Variants in TANC1 observed in about 807,000 individuals in gnomAD.
TANC1 encodes protein TANC1.
A neutral mutation model predicts 149.7 loss-of-function variants in TANC1; 77 were observed. The observed-to-expected ratio is 0.51, with a 90% confidence interval of 0.43 to 0.62. The LOEUF is 0.62. Ranked by LOEUF, TANC1 falls within the 20% of genes least tolerant of loss-of-function variation. The pLI, the probability that TANC1 is intolerant of heterozygous loss-of-function variation, is 0.00. For missense variants in TANC1, 1,985 were observed against 2,321.8 expected (o/e 0.85, Z 2.98); for synonymous variants, 854 against 925.0 (o/e 0.92, Z 1.39).
chr2:159,063,543 G>A lies in TANC1; in HGVS notation c.-15-2353G>A, dbSNP rs151103457. Among the ~76,000 whole-genome samples the A allele has an allele frequency of 7.9e-5, 12 of 152,260 alleles. No homozygotes were observed. The East Asian group carries it at 2.3e-3, about 29-fold the overall frequency. ...TTACTTTTTTCCTTTCCAGTCTGGG[G>A]GAGGGGAGGATGGTTCCTTATTTTT... On this transcript the variant is annotated intron_variant, in intron 2 of 26. Transcript: ENST00000263635.
chr2:158,977,318 AT>A lies in TANC1; in HGVS notation c.-126+8546del, dbSNP rs1019473620. ...TCACACCTGGCTTAATTAAAAAAAA[AT>A]TTTTTTTTTGAGATGGAAACTTTCT... On this transcript the variant is annotated intron_variant, in intron 1 of 26. Coordinates refer to ENST00000263635, the MANE Select transcript of TANC1 (RefSeq NM_033394.3). Among the ~76,000 whole-genome samples the A allele has an allele frequency of 1.0e-4, 15 of 148,944 alleles. No individual in the cohort carries two copies. In the South Asian group the frequency reaches 1.3e-3, roughly 13 times the overall value.
intron 3 of TANC1, among the ~76,000 whole-genome samples, chr2:159,075,225 A>T (rs1474765127): frequency 1.3e-5 from 2 of 152,186 alleles, no homozygotes; most frequent in Non-Finnish European, 2.9e-5. Flanking sequence ...AAAAATGAGA[A>T]TATCAGTATT....
chr2:159,089,309 A>G (rs1489082697), intron 3 of TANC1, among the ~76,000 whole-genome samples: 1 of 152,078 alleles, frequency 6.6e-6, no homozygotes, highest in Non-Finnish European at 1.5e-5. Flanking sequence ...CTTACTTTGT[A>G]GTTAGATATT....
chr2:159,095,220 A>G (rs989725242), intron 3 of TANC1, among the ~76,000 whole-genome samples: 5 of 152,034 alleles, frequency 3.3e-5, no homozygotes, highest in Non-Finnish European at 7.4e-5. Flanking sequence ...TGTTGGGATT[A>G]TGGGCATGAG....
chr2:159,090,921 A>C (rs1022803331), intron 3 of TANC1, among the ~76,000 whole-genome samples: 3 of 152,178 alleles, frequency 2.0e-5, no homozygotes, highest in African/African-American at 7.2e-5. Context: ...AGAGAAGATT[A>C]ATGATCACTG....
At chr2:159,172,368 C>A (rs1441004564) in intron 11 of TANC1, 96 bp downstream of exon 11, 4 of 1,105,964 alleles carry the variant, frequency 3.6e-6, no homozygotes, top group East Asian at 5.0e-5. Flanking sequence ...AAAACAGAGA[C>A]AACTGCTTAA....
At chr2:159,203,013 C>G (rs567472059) in intron 19 of TANC1, among the ~76,000 whole-genome samples, 3 of 152,176 alleles carry the variant, frequency 2.0e-5, no homozygotes, top group African/African-American at 7.2e-5. Flanking sequence ...AGTGTGTGAG[C>G]CTGCTTGTGG....
intron 4 of TANC1, among the ~76,000 whole-genome samples, chr2:159,100,720 TTTAGGGCAGAGATGC>T (rs1219552095): frequency 6.6e-6 from 1 of 152,202 alleles, no homozygotes; most frequent in African/African-American, 2.4e-5. Flanking sequence ...ATTGGAAAAG[TTTAGGGCAGAGATGC>T]TGTTTAAAAA....
intron 22 of TANC1, among the ~76,000 whole-genome samples, chr2:159,221,902 C>G (rs1377595391): frequency 2.0e-5 from 3 of 152,166 alleles, no homozygotes; most frequent in Non-Finnish European, 4.4e-5. Flanking sequence ...AGGCACCCAG[C>G]AGGTGCCAGA....
chr2:158,998,480 T>G (rs1432686399), intron 1 of TANC1, among the ~76,000 whole-genome samples: 1 of 152,172 alleles, frequency 6.6e-6, no homozygotes, highest in Non-Finnish European at 1.5e-5. Flanking sequence ...CTGCCAAGGT[T>G]GTTGTGCAGC....
At chr2:159,023,896 A>G (rs941921924) in intron 2 of TANC1, among the ~76,000 whole-genome samples, 8 of 151,678 alleles carry the variant, frequency 5.3e-5, no homozygotes, top group Non-Finnish European at 1.0e-4. Flanking sequence ...TGAACCCAGG[A>G]GGTGGAAGTT....
intron 5 of TANC1, among the ~76,000 whole-genome samples, chr2:159,141,745 G>C (rs1388450361): frequency 6.6e-6 from 1 of 152,200 alleles, no homozygotes; most frequent in African/African-American, 2.4e-5. Context: ...ACAGGTCGTT[G>C]ACAAAAGAGG....
At chr2:159,135,244 G>C (rs78805285) in intron 4 of TANC1, among the ~76,000 whole-genome samples, 5,225 of 152,332 alleles carry the variant, frequency 0.034, 105 homozygotes, top group Non-Finnish European at 0.046. Context: ...ATGTTTTCAA[G>C]CTTCATCCAT....
At chr2:158,981,124 G>A (rs1027954351) in intron 1 of TANC1, among the ~76,000 whole-genome samples, 3 of 151,944 alleles carry the variant, frequency 2.0e-5, no homozygotes, top group African/African-American at 4.8e-5. Flanking sequence ...CTGCACTTCC[G>A]ACCCCCTCTA....
chr2:159,111,782 G>A (rs551290494), intron 4 of TANC1, among the ~76,000 whole-genome samples: 17 of 152,142 alleles, frequency 1.1e-4, no homozygotes, highest in Non-Finnish European at 2.5e-4. Context: ...AGATGGAGGC[G>A]TCCTCTGAGA....
Position 158,986,960 on chromosome 2 carries a change from G to A in TANC1, c.-125-14120G>A, listed in dbSNP as rs371109617. On this transcript the variant is annotated intron_variant, in intron 1 of 26. Transcript: ENST00000263635. ...CTCATGTATTAAAAAGAGGCTGGAGGAGGGAACCTGGGACGTGGAGAGTGA... is the reference window on the plus strand; with the variant it reads ...CTCATGTATTAAAAAGAGGCTGGAGAAGGGAACCTGGGACGTGGAGAGTGA... Among the ~76,000 whole-genome samples the A allele has an allele frequency of 1.2e-3, 179 of 151,962 alleles. 1 individual carries two copies. The highest frequency in any genetic ancestry group is 4.2e-3 in the African/African-American group (174 of 41,420).
chr2:159,087,152 C>T (rs1389531509), intron 3 of TANC1, among the ~76,000 whole-genome samples: 1 of 112,808 alleles, frequency 8.9e-6, no homozygotes, highest in Non-Finnish European at 2.0e-5. Flanking sequence ...GTTCAAAAAG[C>T]CCGTTCCTGA....
intron 1 of TANC1, among the ~76,000 whole-genome samples, chr2:158,997,856 C>T (rs921769782): frequency 6.6e-6 from 1 of 152,208 alleles, no homozygotes; most frequent in African/African-American, 2.4e-5. Flanking sequence ...GCCCTCCCTA[C>T]ACCTTGAGTG....
chr2:159,051,023 T>C (rs1049000714), intron 2 of TANC1, among the ~76,000 whole-genome samples: 1 of 152,250 alleles, frequency 6.6e-6, no homozygotes, highest in African/African-American at 2.4e-5. Context: ...TATTTTGCTG[T>C]ACCAGGAAGA....
Sources: allele counts gnomAD v4.1 joint callset (sites outside exome capture counted in the v4.1 genomes callset), GRCh38; gene constraint gnomAD v4.1.1; transcripts MANE v1.5; gene names NCBI Gene and HGNC (gene_info 2026-07-23, HGNC 2026-07-21).